The following SPG11 variants were observed in gnomAD, a reference collection of about 807,000 sequenced individuals.
SPG11 encodes the protein SPG11 vesicle trafficking associated, spatacsin.
Under a neutral mutation model 274.0 loss-of-function variants are expected in SPG11, and 222 were observed. That is an observed-to-expected ratio of 0.81 (90% CI 0.73 to 0.91). SPG11 has a LOEUF of 0.91. Among genes scored for constraint, SPG11 ranks in the 40% least tolerant of loss-of-function variants. The pLI is 0.00. For synonymous variants in SPG11, 1,144 were observed against 1,039.7 expected (o/e 1.10, Z -1.93); for missense variants, 3,114 against 2,872.7 (o/e 1.08, Z -1.92).
intron 19 of SPG11, among the ~76,000 whole-genome samples, chr15:44,606,572 G>A (rs1163852899): frequency 1.3e-5 from 2 of 152,182 alleles, no homozygotes; most frequent in Non-Finnish European, 2.9e-5. Context: ...AGAAAAAATA[G>A]CGGACCAAGG....
At position 44,584,206 on chromosome 15, in the gene SPG11, TG is replaced by T. The variant is rs760270095; in HGVS notation, c.5473del (p.Gln1825ArgfsTer13). 1 of 1,614,126 alleles carries T rather than the reference TG, an allele frequency of 6.2e-7. No homozygotes were observed. Among genetic ancestry groups the T allele is most frequent in the Non-Finnish European group, 8.5e-7 (1 of 1,180,040 alleles). ...QEETEPRFSR[Q>X]ISTSGELSFD... ...GGAAAGTTCACCACTAGTTGAGATC[TG>T]TCGAGAAAATCTGGGCTCTGTTTCC... On this transcript the variant is annotated frameshift_variant, in exon 30 of 40. Transcript: ENST00000261866. LOFTEE classifies it high-confidence loss of function.
intron 17 of SPG11, among the ~76,000 whole-genome samples, chr15:44,612,397 T>C (rs1198426746): frequency 6.6e-6 from 1 of 152,064 alleles, no homozygotes; most frequent in Non-Finnish European, 1.5e-5. Context: ...CCTATGGAGG[T>C]ATTACTTTTT....
chr15:44,635,595 CAAAAAAA>C (rs56776994), intron 7 of SPG11, among the ~76,000 whole-genome samples: 2 of 54,072 alleles, frequency 3.7e-5, no homozygotes, highest in Non-Finnish European at 7.3e-5. Context: ...AACCCTGTCT[CAAAAAAA>C]AAAAAAAAAA....
At chr15:44,653,654 A>C (rs1271760217) in intron 4 of SPG11, among the ~76,000 whole-genome samples, 1 of 152,182 alleles carries the variant, frequency 6.6e-6, no homozygotes, top group Admixed American at 6.5e-5. Flanking sequence ...AAAGTGGACA[A>C]AGAAACATTT....
chr15:44,584,109 A>AG lies in SPG11; in HGVS notation c.5570_5571insC (p.Asn1858Ter). On this transcript the variant is annotated frameshift_variant, in exon 30 of 40. Transcript: ENST00000261866. LOFTEE classifies it high-confidence loss of function. Reference sequence around the variant, plus strand: ...ATGTCTCTTTGGATGGAAGGCTGTTAAGTTCTAAGTATTTTGATGTGTTCA... The same window carrying AG: ...ATGTCTCTTTGGATGGAAGGCTGTTAGAGTTCTAAGTATTTTGATGTGTTCA... 8 of 1,614,198 alleles carry AG rather than the reference A, an allele frequency of 5.0e-6. No individual in the cohort carries two copies. Among genetic ancestry groups the AG allele is most frequent in the Non-Finnish European group, 6.8e-6 (8 of 1,180,032 alleles).
intron 34 of SPG11, among the ~76,000 whole-genome samples, chr15:44,569,715 GTTCT>G (rs1480045111): frequency 7.4e-5 from 11 of 149,626 alleles, no homozygotes; most frequent in African/African-American, 2.2e-4. Context: ...ACCACTGGCT[GTTCT>G]TTTTTTTTTT....
At chr15:44,607,986 A>G (rs1218860760) in intron 19 of SPG11, among the ~76,000 whole-genome samples, 1 of 152,158 alleles carries the variant, frequency 6.6e-6, no homozygotes, top group Non-Finnish European at 1.5e-5. Flanking sequence ...GTATTGCAGG[A>G]TACTACATTT....
intron 7 of SPG11, among the ~76,000 whole-genome samples, chr15:44,637,347 T>C (rs1403264403): frequency 6.6e-6 from 1 of 152,214 alleles, no homozygotes; most frequent in African/African-American, 2.4e-5. Flanking sequence ...AGGATCTCAC[T>C]CTGTTGCCCA....
At chr15:44,655,999 C>T (rs943779436) in intron 4 of SPG11, among the ~76,000 whole-genome samples, 6 of 151,714 alleles carry the variant, frequency 4.0e-5, no homozygotes, top group African/African-American at 1.5e-4. Flanking sequence ...TGGATAAAGG[C>T]GACAACTATA....
chr15:44,622,849 A>G (rs917458594), intron 11 of SPG11, 50 bp from the exon 12 acceptor site: 1 of 1,316,832 alleles, frequency 7.6e-7, no homozygotes, highest in Non-Finnish European at 1.1e-6. Context: ...TAATGGAACT[A>G]TTTTGAACAT....
intron 21 of SPG11, 172 bp downstream of exon 21, chr15:44,600,291 CTTTT>C: frequency 1.6e-6 from 1 of 620,368 alleles, no homozygotes; most frequent in South Asian, 1.9e-5. Flanking sequence ...TTTTATTTTA[CTTTT>C]TTTGTTTTAG....
intron 3 of SPG11, among the ~76,000 whole-genome samples, chr15:44,658,846 G>A (rs1037884027): frequency 1.2e-4 from 18 of 152,128 alleles, no homozygotes; most frequent in Non-Finnish European, 2.5e-4. Context: ...ACACAGATAT[G>A]TATGGTTAAT....
In SPG11 at chr15:44,598,673, T is replaced by A. The variant is rs376587233; in HGVS notation, c.3850A>T (p.Arg1284Ter). Residue 1284 changes from arginine to a stop codon, truncating the protein, a stop_gained, in exon 22 of 40, where the codon AGA (arginine) becomes TGA (stop). Coordinates refer to ENST00000261866, the MANE Select transcript of SPG11 (RefSeq NM_025137.4). LOFTEE classifies it high-confidence loss of function. ...VANIILSYKCRNEDAQYSFIR... is the reference protein window; with the variant it reads ...VANIILSYKC The stretch of plus-strand genomic sequence containing the variant: ...AAGCTGTACTGAGCATCTTCATTTC[T>A]GCACTTGTAGCTCAAAATTATATTG... 1 of 1,614,122 alleles carries A rather than the reference T, an allele frequency of 6.2e-7. No individual in the cohort carries two copies. The highest frequency in any genetic ancestry group is 1.3e-5 in the African/African-American group (1 of 74,944).
chr15:44,635,385 G>A (rs549581084), intron 7 of SPG11, among the ~76,000 whole-genome samples: 2 of 151,834 alleles, frequency 1.3e-5, no homozygotes, highest in African/African-American at 4.8e-5. Flanking sequence ...GACCAGCCTG[G>A]GCAACATAGT....
At chr15:44,622,820 CA>C (rs145492990) in intron 11 of SPG11, 21 bp from the exon 12 acceptor site, 13 of 1,585,022 alleles carry the variant, frequency 8.2e-6, no homozygotes, top group African/African-American at 6.7e-5. Flanking sequence ...CATAGAAAAC[CA>C]AAAAAAGTTA....
intron 7 of SPG11, among the ~76,000 whole-genome samples, chr15:44,633,997 T>C (rs2084162632): frequency 6.6e-6 from 1 of 152,012 alleles, no homozygotes; most frequent in Admixed American, 6.6e-5. Context: ...CGCCACCATG[T>C]CCGGCTAAAT....
In SPG11 at chr15:44,585,652, T is replaced by G; in HGVS notation, c.5105A>C (p.Asn1702Thr). 4 of 1,610,672 alleles carry G rather than the reference T, an allele frequency of 2.5e-6. No individual in the cohort carries two copies. Among genetic ancestry groups the G allele is most frequent in the Middle Eastern group, 3.3e-4 (2 of 6,052 alleles). Reference sequence around the variant, plus strand: ...CGATGATACCTCTTTAATAACCAAGTTGTCCACAGGTAACTCAGCTAATTC... The same window carrying G: ...CGATGATACCTCTTTAATAACCAAGGTGTCCACAGGTAACTCAGCTAATTC... The part of the protein sequence containing the change: ...VAELAELPVD[N>T]LVIKEITQEM... The change falls in exon 29 of 40, where the codon AAC becomes ACC. Residue 1702 changes from asparagine (N) to threonine (T), a missense_variant. Transcript: ENST00000261866.
At chr15:44,663,309 C>T (rs1395381196) in intron 1 of SPG11, 82 bp downstream of exon 1, 4 of 1,542,496 alleles carry the variant, frequency 2.6e-6, no homozygotes, top group Middle Eastern at 1.8e-4. Context: ...GCAGGGAGGC[C>T]TCGGCGTGAG....
chr15:44,596,716 A>G, intron 24 of SPG11, 68 bp downstream of exon 24: 1 of 1,496,436 alleles, frequency 6.7e-7, no homozygotes, highest in Non-Finnish European at 9.3e-7. Flanking sequence ...TACACAACAG[A>G]AAGAATGCTA....
Sources: allele counts gnomAD v4.1 joint callset (sites outside exome capture counted in the v4.1 genomes callset), GRCh38; gene constraint gnomAD v4.1.1; transcripts MANE v1.5; gene names NCBI Gene and HGNC (gene_info 2026-07-23, HGNC 2026-07-21).